CYP46A1: variants seen among roughly 807,000 people sequenced by gnomAD.
The protein encoded by CYP46A1 is cholesterol 24-hydroxylase.
CYP46A1 carries 20 observed loss-of-function variants against 63.3 expected under a neutral mutation model. The observed-to-expected ratio is 0.32, with a 90% CI of 0.22 to 0.46. CYP46A1 has a LOEUF of 0.46. Ranked by LOEUF, CYP46A1 falls within the 20% of genes least tolerant of loss-of-function variation. CYP46A1 has a pLI of 1.00. For missense variants in CYP46A1, 445 were observed against 670.8 expected (o/e 0.66, Z 3.72); for synonymous variants, 268 against 273.6 (o/e 0.98, Z 0.20).
intron 5 of CYP46A1, among the ~76,000 whole-genome samples, chr14:99,704,596 C>T (rs916192345): frequency 1.3e-5 from 2 of 152,200 alleles, no homozygotes; most frequent in Non-Finnish European, 1.5e-5. Flanking sequence ...AACGCTGTAG[C>T]CCAGTTTTGT....
chr14:99,708,159 C>A, intron 7 of CYP46A1: 1 of 237,874 alleles, frequency 4.2e-6, no homozygotes, highest in South Asian at 5.0e-5. Flanking sequence ...ACTGCCAGCA[C>A]CCGTGCGCAT....
At chr14:99,694,371 CTT>C (rs74872295) in intron 3 of CYP46A1, among the ~76,000 whole-genome samples, 2 of 86,308 alleles carry the variant, frequency 2.3e-5, no homozygotes, top group Admixed American at 1.2e-4. Flanking sequence ...TTTGGGTTTT[CTT>C]TTTTTTTTTT....
At chr14:99,701,956 G>A (rs1357060725) in intron 5 of CYP46A1, among the ~76,000 whole-genome samples, 1 of 151,424 alleles carries the variant, frequency 6.6e-6, no homozygotes, top group African/African-American at 2.4e-5. Flanking sequence ...TGTAATCCCA[G>A]CTACGCGGGA....
chr14:99,707,511 C>T (rs375456251), intron 6 of CYP46A1, 57 bp from the exon 7 acceptor site: 8 of 1,448,986 alleles, frequency 5.5e-6, no homozygotes, highest in Non-Finnish European at 7.7e-6. Context: ...AGGCTTTGCC[C>T]TGGATCTGCT....
At chr14:99,688,295 C>T (rs1317454099) in intron 1 of CYP46A1, among the ~76,000 whole-genome samples, 1 of 152,202 alleles carries the variant, frequency 6.6e-6, no homozygotes, top group African/African-American at 2.4e-5. Context: ...CCACTGCGGG[C>T]AGGCGGCCAC....
chr14:99,713,982 A>G (rs1396775485), intron 7 of CYP46A1, among the ~76,000 whole-genome samples: 2 of 152,104 alleles, frequency 1.3e-5, no homozygotes. Context: ...ACAACTTGTT[A>G]AATGGGAGAA....
Position 99,714,544 on chromosome 14 carries a change from T to G in CYP46A1, c.694-1266T>G, listed in dbSNP as rs142531470. On this transcript the variant is annotated intron_variant, in intron 7 of 14. Coordinates refer to ENST00000261835, the MANE Select transcript of CYP46A1 (RefSeq NM_006668.2). Reference sequence around the variant, plus strand: ...GGAAGGCCAAGGCAGGTAGATCCCCTGAGGTCAGGAGTTCAAAACCAGCCT... The same window carrying G: ...GGAAGGCCAAGGCAGGTAGATCCCCGGAGGTCAGGAGTTCAAAACCAGCCT... Among the ~76,000 whole-genome samples, 289 of 152,242 alleles carry G rather than the reference T, an allele frequency of 1.9e-3. 2 individuals are homozygous for G. The highest frequency in any genetic ancestry group is 6.6e-3 in the African/African-American group (274 of 41,538).
At chr14:99,697,704 T>C (rs948859436) in intron 3 of CYP46A1, among the ~76,000 whole-genome samples, 1 of 152,194 alleles carries the variant, frequency 6.6e-6, no homozygotes, top group Non-Finnish European at 1.5e-5. Flanking sequence ...TCGGTGTGTG[T>C]GTGACCAGAG....
chr14:99,697,981 C>T (rs1469855842), intron 3 of CYP46A1, among the ~76,000 whole-genome samples: 1 of 151,994 alleles, frequency 6.6e-6, no homozygotes, highest in Non-Finnish European at 1.5e-5. Flanking sequence ...TCACAGTCTT[C>T]CTCTTGGTGG....
chr14:99,699,636 G>T, intron 4 of CYP46A1, 97 bp downstream of exon 4: 3 of 1,322,378 alleles, frequency 2.3e-6, no homozygotes, highest in South Asian at 2.4e-5. Context: ...TAGAATTGAG[G>T]CCTGAGGCCC....
At chr14:99,719,911 G>A (rs761995721) in intron 10 of CYP46A1, among the ~76,000 whole-genome samples, 10 of 151,786 alleles carry the variant, frequency 6.6e-5, no homozygotes, top group South Asian at 6.3e-4. Flanking sequence ...ATAGGTGCAC[G>A]CCACCATGCC....
intron 3 of CYP46A1, among the ~76,000 whole-genome samples, chr14:99,694,042 A>G (rs2056565559): frequency 6.6e-6 from 1 of 152,018 alleles, no homozygotes; most frequent in Non-Finnish European, 1.5e-5. Flanking sequence ...CGTGAATTGG[A>G]CTACTTTATG....
At chr14:99,685,673 C>T (rs1243314352) in intron 1 of CYP46A1, among the ~76,000 whole-genome samples, 1 of 151,986 alleles carries the variant, frequency 6.6e-6, no homozygotes, top group African/African-American at 2.4e-5. Context: ...CATGAATATT[C>T]TGGAAGGCAC....
At position 99,725,037 on chromosome 14, in the gene CYP46A1, C is replaced by T. The variant is rs1156959074; in HGVS notation, c.1177-354C>T. Reference sequence around the variant, plus strand: ...CAGAGTCAGATCTGAGTTTGAATCCCGGTTTGGCCATTTATTTGCCTGGTG... The same window carrying T: ...CAGAGTCAGATCTGAGTTTGAATCCTGGTTTGGCCATTTATTTGCCTGGTG... On this transcript the variant is annotated intron_variant, in intron 12 of 14. Coordinates refer to ENST00000261835, the MANE Select transcript of CYP46A1 (RefSeq NM_006668.2). This position sits in a 1 kb window ranked among gnomAD's most constrained non-coding sequence, Gnocchi z 4.2. Among the ~76,000 whole-genome samples the T allele has an allele frequency of 2.6e-5, 4 of 152,160 alleles. No individual in the cohort carries two copies. The highest frequency in any genetic ancestry group is 1.9e-4 in the East Asian group (1 of 5,190).
chr14:99,703,633 T>C (rs1448269995), intron 5 of CYP46A1: 7 of 985,258 alleles, frequency 7.1e-6, no homozygotes, highest in African/African-American at 1.7e-5. Context: ...CCAGCTAAGA[T>C]GTCACCTACT....
intron 3 of CYP46A1, among the ~76,000 whole-genome samples, chr14:99,698,257 C>T (rs1222956577): frequency 2.6e-5 from 4 of 152,016 alleles, no homozygotes; most frequent in African/African-American, 9.7e-5. Context: ...GCACGTTCCC[C>T]CTCATGTACC....
chr14:99,699,414 T>C lies in CYP46A1; in HGVS notation c.283-52T>C. On this transcript the variant is annotated intron_variant, in intron 3 of 14. Coordinates refer to ENST00000261835, the MANE Select transcript of CYP46A1 (RefSeq NM_006668.2). ...TGGGGCATGTCTCAGAAGAGCATCT[T>C]GCAGCTACTCATGGGTGCATGAGCC... 2.6e-6 allele frequency: 4 copies of C among 1,534,514 alleles called. No homozygotes were observed. The South Asian group carries it at 4.5e-5, about 17-fold the overall frequency.
chr14:99,686,883 C>T (rs1187599866), intron 1 of CYP46A1, among the ~76,000 whole-genome samples: 2 of 152,198 alleles, frequency 1.3e-5, no homozygotes, highest in Non-Finnish European at 2.9e-5. Flanking sequence ...AAATATAAAA[C>T]TGCACTAAAT....
chr14:99,725,458 G>T lies in CYP46A1; in HGVS notation c.1244G>T (p.Arg415Leu). 1 of 1,614,050 alleles carries T rather than the reference G, an allele frequency of 6.2e-7. No homozygotes were observed. The highest frequency in any genetic ancestry group is 8.5e-7 in the Non-Finnish European group (1 of 1,179,916). The change falls in exon 13 of 15, where the codon CGC becomes CTC. Residue 415 changes from arginine to leucine, a missense_variant. Physicochemically the swap from Arg to Leu is moderately radical, Grantham distance 102. Transcript: ENST00000261835. The surrounding 1 kb of genome is among the most constrained non-coding windows in gnomAD (Gnocchi z 4.2). ...GACCCGCTGACTTTCAACCCCGATC[G>T]CTTCGGCCCTGGAGCACCCAAGTAA... ...FEDPLTFNPDRFGPGAPKPRF... is the reference protein window; with the variant it reads ...FEDPLTFNPDLFGPGAPKPRF...
Sources: allele counts gnomAD v4.1 joint callset (sites outside exome capture counted in the v4.1 genomes callset), GRCh38; gene constraint gnomAD v4.1.1; non-coding constraint Gnocchi (gnomAD v3.1); transcripts MANE v1.5; gene names NCBI Gene and HGNC (gene_info 2026-07-23, HGNC 2026-07-21).